Variants in LIPA observed in about 807,000 individuals in gnomAD.
LIPA encodes lipase A, lysosomal acid type.
In LIPA, 26 loss-of-function variants were observed where a neutral mutation model predicts 40.6. The observed-to-expected ratio is 0.64, with a 90% CI of 0.47 to 0.89. The LOEUF is 0.89. LIPA is among the 40% of genes least tolerant of loss of function. The pLI is 0.00. For synonymous variants in LIPA, 188 were observed against 168.4 expected, an observed-to-expected ratio of 1.12 and a Z score of -0.90; for missense variants, 455 against 479.6, an observed-to-expected ratio of 0.95 and a Z score of 0.48.
chr10:89,329,652 T>G (rs1350361152), intron 1 of LIPA, among the ~76,000 whole-genome samples: 1 of 152,212 alleles, frequency 6.6e-6, no homozygotes, highest in Non-Finnish European at 1.5e-5. Context: ...CCCCATCCAC[T>G]GAGGAACTCT....
At chr10:89,365,582 A>C (rs1844050601) in intron 2 of LIPA, among the ~76,000 whole-genome samples, 1 of 152,082 alleles carries the variant, frequency 6.6e-6, no homozygotes, top group South Asian at 2.1e-4. Context: ...TTATGGTTTT[A>C]GGTCTAACAT....
intron 1 of LIPA, among the ~76,000 whole-genome samples, chr10:89,289,342 C>T (rs1011044103): frequency 9.9e-5 from 15 of 152,220 alleles, no homozygotes; most frequent in African/African-American, 3.4e-4. Flanking sequence ...GAAATCACTT[C>T]TCAGTGTTCC....
chr10:89,215,842 C>A, intron 9 of LIPA, 96 bp downstream of exon 9: 1 of 830,342 alleles, frequency 1.2e-6, no homozygotes. Flanking sequence ...AAACATTTCC[C>A]ACAGCACCTG....
At chr10:89,412,489 G>A (rs181740376) in intron 2 of LIPA, 64 of 184,244 alleles carry the variant, frequency 3.5e-4, no homozygotes, top group Admixed American at 6.0e-4. Flanking sequence ...CCAAATAAGG[G>A]AATAAAAGCA....
intron 3 of LIPA, among the ~76,000 whole-genome samples, chr10:89,233,969 T>C (rs1024600415): frequency 1.3e-5 from 2 of 152,048 alleles, no homozygotes; most frequent in African/African-American, 4.8e-5. Flanking sequence ...CCACACTCCC[T>C]CCCACAGGGA....
intron 2 of LIPA, among the ~76,000 whole-genome samples, chr10:89,354,734 A>AT (rs1156548974): frequency 2.0e-5 from 3 of 152,034 alleles, no homozygotes; most frequent in African/African-American, 7.2e-5. Flanking sequence ...CGCCCTGCTA[A>AT]TTTTTGTATT....
chr10:89,295,078 A>AAGGAAAGGAAAGGAAAGGAAAGGAC, intron 1 of LIPA, among the ~76,000 whole-genome samples: 1 of 147,822 alleles, frequency 6.8e-6, no homozygotes, highest in Non-Finnish European at 1.5e-5. Flanking sequence ...AAGGAAAGGA[A>AAGGAAAGGAAAGGAAAGGAAAGGAC]TGGAAAGGAA....
chr10:89,367,504 C>A (rs544051273), intron 2 of LIPA, among the ~76,000 whole-genome samples: 18 of 152,268 alleles, frequency 1.2e-4, no homozygotes, highest in African/African-American at 4.3e-4. Context: ...CCTATAGAAA[C>A]CAAAGGACAT....
chr10:89,313,776 G>A (rs558440494), intron 1 of LIPA, among the ~76,000 whole-genome samples: 2 of 152,128 alleles, frequency 1.3e-5, no homozygotes, highest in Non-Finnish European at 2.9e-5. Flanking sequence ...AGTGACAAAA[G>A]GCAATTTAAA....
chr10:89,381,142 G>C (rs1452115883), intron 2 of LIPA, among the ~76,000 whole-genome samples: 1 of 152,074 alleles, frequency 6.6e-6, no homozygotes, highest in Non-Finnish European at 1.5e-5. Context: ...GCTGAGATTG[G>C]GTACATATTT....
chr10:89,292,689 C>T (rs760555807), intron 1 of LIPA, among the ~76,000 whole-genome samples: 1 of 152,134 alleles, frequency 6.6e-6, no homozygotes, highest in Non-Finnish European at 1.5e-5. Flanking sequence ...GACCTAGTCA[C>T]GTTCTGTCAC....
chr10:89,320,754 T>C (rs1843566847), intron 1 of LIPA, among the ~76,000 whole-genome samples: 1 of 152,148 alleles, frequency 6.6e-6, no homozygotes, highest in Non-Finnish European at 1.5e-5. Context: ...GAGCCTGCAT[T>C]GCCAAGACAA....
At chr10:89,366,977 A>G (rs949973941) in intron 2 of LIPA, among the ~76,000 whole-genome samples, 1 of 152,222 alleles carries the variant, frequency 6.6e-6, no homozygotes, top group Non-Finnish European at 1.5e-5. Flanking sequence ...CATATACACC[A>G]TGGAATACTA....
chr10:89,277,793 A>G (rs1179093468), intron 1 of LIPA: 1 of 152,214 alleles, frequency 6.6e-6, no homozygotes, highest in Non-Finnish European at 1.5e-5. Context: ...CAAGAAAACA[A>G]AGTACTACTA....
At chr10:89,284,413 C>G (rs1200554521) in intron 1 of LIPA, 2 of 151,738 alleles carry the variant, frequency 1.3e-5, no homozygotes, top group Non-Finnish European at 2.9e-5. Flanking sequence ...CAGTCAGGCA[C>G]TAAACCAGCA....
At chr10:89,375,433 C>T (rs767091802) in intron 2 of LIPA, among the ~76,000 whole-genome samples, 9 of 152,160 alleles carry the variant, frequency 5.9e-5, no homozygotes, top group Non-Finnish European at 1.3e-4. Context: ...GAAAACATCC[C>T]ATTGGCCCCA....
intron 1 of LIPA, among the ~76,000 whole-genome samples, chr10:89,329,107 A>G (rs1217662764): frequency 6.6e-6 from 1 of 152,160 alleles, no homozygotes; most frequent in Non-Finnish European, 1.5e-5. Flanking sequence ...TTTCCCACCA[A>G]GCATCTCTAG....
chr10:89,232,372 C>T (rs951648), intron 3 of LIPA, among the ~76,000 whole-genome samples: 1,609 of 151,086 alleles, frequency 0.011, 26 homozygotes, highest in African/African-American at 0.037. Flanking sequence ...AGGCCAGGAA[C>T]GGGCTGCTCC....
chr10:89,373,368 GT>G (rs1235819566), intron 2 of LIPA, among the ~76,000 whole-genome samples: 6 of 147,388 alleles, frequency 4.1e-5, no homozygotes, highest in African/African-American at 1.6e-4. Context: ...ACTGGAACAC[GT>G]GGGAGTCAGC....
Sources: allele counts gnomAD v4.1 joint callset (sites outside exome capture counted in the v4.1 genomes callset), GRCh38; gene constraint gnomAD v4.1.1; transcripts MANE v1.5; gene names NCBI Gene and HGNC (gene_info 2026-07-23, HGNC 2026-07-21).